Variants in METTL9 observed in about 807,000 individuals in gnomAD.
METTL9 encodes the protein protein-L-histidine N-pros-methyltransferase.
METTL9 carries 10 observed loss-of-function variants against 36.0 expected under a neutral mutation model. That is an observed-to-expected ratio of 0.28 (90% CI 0.17 to 0.47). The LOEUF is 0.47. Ranked by LOEUF, METTL9 falls within the 20% of genes least tolerant of loss-of-function variation. The pLI, the probability that METTL9 is intolerant of heterozygous loss-of-function variation, is 0.99. For synonymous variants in METTL9, 175 were observed against 149.7 expected (o/e 1.17, Z -1.23); for missense variants, 246 against 383.5 (o/e 0.64, Z 3.00).
chr16:21,602,233 C>A (rs1366438504), intron 1 of METTL9, among the ~76,000 whole-genome samples: 1 of 152,094 alleles, frequency 6.6e-6, no homozygotes, highest in Non-Finnish European at 1.5e-5. Flanking sequence ...CCATACTTAG[C>A]AAAAGTGTTC....
rs113376697 is a variant in METTL9, at chr16:21,639,925, T to TTTTATTTATTTATTTATTTA, written c.751+14822_751+14841dup. On this transcript the variant is annotated intron_variant, in intron 4 of 4. Transcript: ENST00000358154. ...ATACCAGTTTAAAAGAAACACTTTA[T>TTTTATTTATTTATTTATTTA]TTTATTTATTTATTTATTTATTTAT... is the stretch of plus-strand genomic sequence containing the variant. 3.0e-4 allele frequency: 46 copies of TTTTATTTATTTATTTATTTA among 151,252 alleles called. No homozygotes were observed. The East Asian group carries it at 7.1e-3, about 23-fold the overall frequency. 9.4% of individuals were successfully genotyped at this position (151,252 alleles called of 1,614,324 possible). A position where few individuals can be genotyped will look rare whatever the true frequency, so the allele number is the denominator to read the frequency against.
chr16:21,627,379 C>T (rs1418107506), intron 4 of METTL9: 1 of 984,478 alleles, frequency 1.0e-6, no homozygotes, highest in Non-Finnish European at 1.2e-6. Flanking sequence ...TGAACCACAG[C>T]AGTTTTGCTA....
chr16:21,635,450 T>C (rs1251406110), intron 4 of METTL9, among the ~76,000 whole-genome samples: 1 of 152,062 alleles, frequency 6.6e-6, no homozygotes, highest in Admixed American at 6.5e-5. Context: ...TCCTGTGGGA[T>C]GTAAATTGCA....
At chr16:21,628,216 C>T (rs1965857695) in intron 4 of METTL9, among the ~76,000 whole-genome samples, 1 of 152,142 alleles carries the variant, frequency 6.6e-6, no homozygotes, top group African/African-American at 2.4e-5. Flanking sequence ...CTGGCGTGGA[C>T]TGGTTCATGA....
At chr16:21,647,602 A>G in intron 4 of METTL9, 2 of 1,340,320 alleles carry the variant, frequency 1.5e-6, no homozygotes, top group East Asian at 4.8e-5. Flanking sequence ...TCTTACCTTA[A>G]TCCCAATATA....
rs898787285 is a variant in METTL9, at chr16:21,599,598, C to T, written c.-136C>T. ...GCTCCTCCCCACCCCCAGCCTTTGC[C>T]CTGAAGGGGGCTGGATGGGCAAGGC... On this transcript the variant is annotated 5_prime_UTR_variant, in exon 1 of 5. Transcript: ENST00000358154. This position sits in a 1 kb window ranked among gnomAD's most constrained non-coding sequence, Gnocchi z 4.4. 2.3e-6 allele frequency: 3 copies of T among 1,316,486 alleles called. No homozygotes were observed. The highest frequency in any genetic ancestry group is 2.9e-6 in the Non-Finnish European group (3 of 1,039,808). The allele number at this position is 1,316,486 out of a possible 1,614,324, so 81.6% of individuals were successfully genotyped here.
In METTL9 at chr16:21,608,933, G is replaced by A. The variant is rs888235454; in HGVS notation, c.166-3712G>A. Among the ~76,000 whole-genome samples, 5 of 152,178 alleles carry A rather than the reference G, an allele frequency of 3.3e-5. No homozygotes were observed. In the East Asian group the frequency reaches 5.8e-4, roughly 18 times the overall value. On this transcript the variant is annotated intron_variant, in intron 1 of 4. Transcript: ENST00000358154. Reference sequence around the variant, plus strand: ...GAAGAGAAGCTTCTTTGAAAGAAACGCTTATAAAACAACACGTACCTGGAG... The same window carrying A: ...GAAGAGAAGCTTCTTTGAAAGAAACACTTATAAAACAACACGTACCTGGAG...
chr16:21,599,922 G>T lies in METTL9; in HGVS notation c.165+24G>T, dbSNP rs1236775716. On this transcript the variant is annotated intron_variant, in intron 1 of 4. Coordinates refer to ENST00000358154, the MANE Select transcript of METTL9 (RefSeq NM_016025.5). This position sits in a 1 kb window ranked among gnomAD's most constrained non-coding sequence, Gnocchi z 4.4. ...AGGTACGGGCTGGGGCCGGGGCCGG[G>T]GCGGGGGCGTGGCGGCCCGGCCTTC... The T allele has an allele frequency of 3.8e-6, 5 of 1,320,812 alleles. No individual in the cohort carries two copies. The South Asian group carries it at 6.1e-5, about 16-fold the overall frequency. 81.8% of individuals were successfully genotyped at this position (1,320,812 alleles called of 1,614,324 possible).
chr16:21,599,358 G>A (rs763298009), upstream of METTL9: 5 of 1,016,172 alleles, frequency 4.9e-6, no homozygotes, highest in African/African-American at 1.7e-5. This position sits in a 1 kb window ranked among gnomAD's most constrained non-coding sequence, Gnocchi z 4.4. Flanking sequence ...ATTTACTAGA[G>A]GCCAAGGCAG....
At chr16:21,621,152 G>A (rs1280322301) in intron 3 of METTL9, among the ~76,000 whole-genome samples, 1 of 148,022 alleles carries the variant, frequency 6.8e-6, no homozygotes, top group Non-Finnish European at 1.5e-5. Flanking sequence ...GAGAGAGAGT[G>A]TGTGTGTGTG....
intron 3 of METTL9, among the ~76,000 whole-genome samples, chr16:21,620,064 T>C (rs1478524340): frequency 6.6e-6 from 1 of 152,184 alleles, no homozygotes; most frequent in Non-Finnish European, 1.5e-5. Context: ...GATTTTTATA[T>C]GGAAGGAAAG....
At chr16:21,647,461 T>C (rs761166964) in intron 4 of METTL9, 40 of 1,613,826 alleles carry the variant, frequency 2.5e-5, no homozygotes, top group Non-Finnish European at 1.4e-5. Flanking sequence ...ACCACGGTTG[T>C]GTGACAGAGA....
chr16:21,648,246 A>G (rs542526945), intron 4 of METTL9, among the ~76,000 whole-genome samples: 11 of 152,286 alleles, frequency 7.2e-5, no homozygotes, highest in Non-Finnish European at 1.6e-4. Flanking sequence ...ATATTGTGAT[A>G]AAGAGCACAG....
chr16:21,599,434 G>A (rs1377211564), upstream of METTL9: 20 of 1,126,672 alleles, frequency 1.8e-5, no homozygotes, highest in Non-Finnish European at 2.1e-5. This position sits in a 1 kb window ranked among gnomAD's most constrained non-coding sequence, Gnocchi z 4.4. Context: ...CCAGCGGCCC[G>A]CTCATTGGAC....
chr16:21,618,308 A>G (rs937926214), intron 3 of METTL9, among the ~76,000 whole-genome samples: 3 of 152,204 alleles, frequency 2.0e-5, no homozygotes, highest in Admixed American at 2.0e-4. Flanking sequence ...GATCAGAAGA[A>G]GGGACTTCTT....
chr16:21,617,779 T>C, intron 2 of METTL9, 86 bp from the exon 3 acceptor site: 2 of 1,173,786 alleles, frequency 1.7e-6, no homozygotes, highest in Non-Finnish European at 2.5e-6. Context: ...TTGTTGGTGC[T>C]GAGTCACTAT....
At chr16:21,618,564 A>T (rs1374737086) in intron 3 of METTL9, among the ~76,000 whole-genome samples, 2 of 152,160 alleles carry the variant, frequency 1.3e-5, no homozygotes. Flanking sequence ...GACAACCACC[A>T]TTCTACTTTG....
intron 4 of METTL9, among the ~76,000 whole-genome samples, chr16:21,645,232 C>A (rs1330090651): frequency 6.6e-6 from 1 of 152,170 alleles, no homozygotes; most frequent in African/African-American, 2.4e-5. Context: ...GTGGGCAGAT[C>A]ACTTGAGATC....
At chr16:21,646,412 C>T (rs1416873030) in intron 4 of METTL9, 3 of 152,132 alleles carry the variant, frequency 2.0e-5, no homozygotes, top group African/African-American at 2.4e-5. Context: ...TTCTGTGGGT[C>T]CAATTTATTG....
Sources: allele counts gnomAD v4.1 joint callset (sites outside exome capture counted in the v4.1 genomes callset), GRCh38; gene constraint gnomAD v4.1.1; non-coding constraint Gnocchi (gnomAD v3.1); transcripts MANE v1.5; gene names NCBI Gene and HGNC (gene_info 2026-07-23, HGNC 2026-07-21).